CCDC7: variants seen among roughly 807,000 people sequenced by gnomAD.
CCDC7 encodes the protein coiled-coil domain-containing protein 7.
Under a neutral mutation model 196.9 loss-of-function variants are expected in CCDC7, and 183 were observed. The ratio of observed to expected loss-of-function variants is 0.93; its 90% CI spans 0.82 to 1.05. CCDC7 has a LOEUF of 1.05. CCDC7 is among the 50% of genes least tolerant of loss of function. The pLI is 0.00. For missense variants in CCDC7, 1,540 were observed against 1,482.2 expected, an observed-to-expected ratio of 1.04 and a Z score of -0.64; for synonymous variants, 525 against 484.6, an observed-to-expected ratio of 1.08 and a Z score of -1.10.
At chr10:32,805,234 T>G (rs2135160986) in intron 30 of CCDC7, 136 bp downstream of exon 31, 1 of 630,510 alleles carries the variant, frequency 1.6e-6, no homozygotes, top group East Asian at 2.7e-5. Context: ...CCTCCCATAT[T>G]TGGTTTTACT....
intron 20 of CCDC7, among the ~76,000 whole-genome samples, chr10:32,663,217 C>T (rs1466081541): frequency 6.6e-6 from 1 of 152,138 alleles, no homozygotes; most frequent in East Asian, 1.9e-4. Flanking sequence ...CACATCTCTT[C>T]TATGGTCTCT....
At chr10:32,684,252 C>T (rs2076209037) in intron 21 of CCDC7, among the ~76,000 whole-genome samples, 1 of 152,182 alleles carries the variant, frequency 6.6e-6, no homozygotes, top group African/African-American at 2.4e-5. Flanking sequence ...CCCTTCTTGG[C>T]AGAGCTATGG....
chr10:32,777,128 A>T (rs1347184354), intron 28 of CCDC7, among the ~76,000 whole-genome samples: 1 of 152,262 alleles, frequency 6.6e-6, no homozygotes, highest in South Asian at 2.1e-4. Flanking sequence ...GAAGAGATGC[A>T]GTATTTGGTT....
chr10:32,600,072 A>T (rs1006412315), intron 18 of CCDC7, among the ~76,000 whole-genome samples: 1 of 151,892 alleles, frequency 6.6e-6, no homozygotes, highest in Non-Finnish European at 1.5e-5. Flanking sequence ...TTTTGGTTCC[A>T]TATTAATTTT....
At chr10:32,780,699 G>A (rs1239110473) in intron 29 of CCDC7, among the ~76,000 whole-genome samples, 1 of 152,044 alleles carries the variant, frequency 6.6e-6, no homozygotes, top group Non-Finnish European at 1.5e-5. Flanking sequence ...ACACAAAAAA[G>A]ATGGAATTAG....
chr10:32,735,233 G>C (rs1307475929), intron 28 of CCDC7, among the ~76,000 whole-genome samples: 3 of 152,202 alleles, frequency 2.0e-5, no homozygotes, highest in African/African-American at 7.2e-5. Context: ...GAGCACGATT[G>C]CTGTATCATA....
At chr10:32,738,027 T>C (rs769473070) in intron 28 of CCDC7, among the ~76,000 whole-genome samples, 2 of 152,214 alleles carry the variant, frequency 1.3e-5, no homozygotes, top group Non-Finnish European at 2.9e-5. Flanking sequence ...AAAGTGATTA[T>C]TGACATATTT....
chr10:32,599,639 A>G (rs762417027), intron 18 of CCDC7, among the ~76,000 whole-genome samples: 2 of 152,074 alleles, frequency 1.3e-5, no homozygotes, highest in Non-Finnish European at 2.9e-5. Context: ...TAAACTTATA[A>G]CAACTTGAGT....
intron 41 of CCDC7, among the ~76,000 whole-genome samples, chr10:32,872,113 C>G (rs1196357099): frequency 6.6e-6 from 1 of 152,096 alleles, no homozygotes; most frequent in South Asian, 2.1e-4. Flanking sequence ...CTGTAGATGT[C>G]TATTAGTTCC....
chr10:32,735,903 T>A (rs552482257), intron 28 of CCDC7, among the ~76,000 whole-genome samples: 83 of 152,320 alleles, frequency 5.4e-4, no homozygotes, highest in Non-Finnish European at 1.0e-3. Flanking sequence ...GACTAGTTAT[T>A]CCAACATCAC....
At chr10:32,466,128 T>A (rs1588855754) in intron 5 of CCDC7, among the ~76,000 whole-genome samples, 1 of 152,190 alleles carries the variant, frequency 6.6e-6, no homozygotes, top group African/African-American at 2.4e-5. Context: ...ACTTCTGATC[T>A]GGAATTTCAA....
chr10:32,611,794 C>G (rs1051450599), intron 18 of CCDC7, among the ~76,000 whole-genome samples: 1 of 152,132 alleles, frequency 6.6e-6, no homozygotes, highest in African/African-American at 2.4e-5. Context: ...TGTTTTGGCA[C>G]CAGTACCATG....
intron 21 of CCDC7, among the ~76,000 whole-genome samples, chr10:32,677,610 G>A (rs950295755): frequency 6.6e-6 from 1 of 151,818 alleles, no homozygotes; most frequent in African/African-American, 2.4e-5. Context: ...GGTTTATCTT[G>A]TATGTGATGT....
At chr10:32,864,014 G>T (rs72784025) in intron 41 of CCDC7, among the ~76,000 whole-genome samples, 1 of 149,188 alleles carries the variant, frequency 6.7e-6, no homozygotes. Context: ...TTTGCAAACC[G>T]TATAACTGAT....
chr10:32,643,453 G>A (rs1391566601), intron 20 of CCDC7, among the ~76,000 whole-genome samples: 1 of 151,814 alleles, frequency 6.6e-6, no homozygotes, highest in African/African-American at 2.4e-5. Context: ...TACAAATCCA[G>A]TGTGACTGTC....
intron 20 of CCDC7, among the ~76,000 whole-genome samples, chr10:32,653,465 G>T (rs943207901): frequency 6.6e-6 from 1 of 152,126 alleles, no homozygotes; most frequent in African/African-American, 2.4e-5. Context: ...TGTACTTTCT[G>T]CTCTCTTCAA....
chr10:32,567,582 C>T (rs1225844394), intron 14 of CCDC7, 88 bp from the exon 16 acceptor site: 78 of 1,395,222 alleles, frequency 5.6e-5, no homozygotes, highest in South Asian at 7.5e-5. Flanking sequence ...ATCATGTAGG[C>T]GTAAATATAT....
chr10:32,728,932 A>T (rs560352220), exon 27 of CCDC7: 2 of 1,610,094 alleles, frequency 1.2e-6, no homozygotes, highest in South Asian at 2.2e-5. Context: ...GTTCATCAAG[A>T]TTCAAAGTCA....
At chr10:32,547,890 C>G (rs548719783) in intron 13 of CCDC7, among the ~76,000 whole-genome samples, 11 of 152,218 alleles carry the variant, frequency 7.2e-5, no homozygotes, top group African/African-American at 2.6e-4. Context: ...GTGCACCCAT[C>G]ATCCAAGCAG....
Sources: gnomAD v4.1 joint callset for allele counts (sites outside exome capture counted in the v4.1 genomes callset) on GRCh38, gnomAD v4.1.1 for gene constraint, MANE v1.5 for transcripts, NCBI Gene and HGNC (gene_info 2026-07-23, HGNC 2026-07-21) for gene names.